Variants in GABRR3 observed in about 807,000 individuals in gnomAD.
GABRR3 encodes gamma-aminobutyric acid receptor subunit rho-3.
A neutral mutation model predicts 43.2 loss-of-function variants in GABRR3; 29 were observed. That is an observed-to-expected ratio of 0.67 (90% CI 0.50 to 0.92). GABRR3 has a LOEUF of 0.92. Among genes scored for constraint, GABRR3 ranks in the 40% least tolerant of loss-of-function variants. The pLI is 0.00. For synonymous variants in GABRR3, 206 were observed against 195.9 expected (o/e 1.05, Z -0.43); for missense variants, 576 against 572.3 (o/e 1.01, Z -0.07).
At chr3:97,996,154 TGA>T (rs1178224536) in intron 8 of GABRR3, among the ~76,000 whole-genome samples, 1 of 152,184 alleles carries the variant, frequency 6.6e-6, no homozygotes, top group Non-Finnish European at 1.5e-5. Context: ...TATGAACCAC[TGA>T]GTTTCTTCAC....
At chr3:98,007,170 GT>G (rs1257907989) in intron 7 of GABRR3, among the ~76,000 whole-genome samples, 9 of 152,220 alleles carry the variant, frequency 5.9e-5, no homozygotes, top group African/African-American at 2.2e-4. Context: ...AAGGAAGCCT[GT>G]TTTACACGGG....
At chr3:98,029,742 C>T (rs1707062189) in intron 2 of GABRR3, among the ~76,000 whole-genome samples, 1 of 151,988 alleles carries the variant, frequency 6.6e-6, no homozygotes, top group Non-Finnish European at 1.5e-5. Flanking sequence ...GAGTGTGATA[C>T]CAATTGAAGC....
chr3:98,034,073 A>C (rs1249563215), intron 2 of GABRR3, among the ~76,000 whole-genome samples: 3 of 152,148 alleles, frequency 2.0e-5, no homozygotes, highest in Non-Finnish European at 4.4e-5. Flanking sequence ...GATACTCTTC[A>C]TTCCTCAATT....
intron 7 of GABRR3, among the ~76,000 whole-genome samples, chr3:98,003,892 T>C (rs1706688556): frequency 6.6e-6 from 1 of 152,180 alleles, no homozygotes; most frequent in Admixed American, 6.5e-5. Context: ...AAAGCCTCAT[T>C]ATGTAAGTAA....
At chr3:98,019,251 G>A (rs530497107) in intron 3 of GABRR3, among the ~76,000 whole-genome samples, 8 of 152,310 alleles carry the variant, frequency 5.3e-5, no homozygotes, top group Admixed American at 2.0e-4. Flanking sequence ...GCCTGGATGT[G>A]CTACATGGGA....
intron 2 of GABRR3, among the ~76,000 whole-genome samples, chr3:98,031,702 C>T (rs1311694108): frequency 6.6e-6 from 1 of 151,744 alleles, no homozygotes; most frequent in Non-Finnish European, 1.5e-5. Context: ...ATGATTGGAC[C>T]ACCGCACTCC....
At chr3:98,001,898 G>T in intron 7 of GABRR3, 131 bp from the exon 8 acceptor site, 1 of 867,066 alleles carries the variant, frequency 1.2e-6, no homozygotes, top group Non-Finnish European at 1.8e-6. Flanking sequence ...TCTCCATTTA[G>T]TTGGGCCTGG....
chr3:98,004,113 A>G (rs1445791521), intron 7 of GABRR3, among the ~76,000 whole-genome samples: 1 of 152,180 alleles, frequency 6.6e-6, no homozygotes, highest in African/African-American at 2.4e-5. Context: ...TCCCAAGACA[A>G]GAATAAAGAA....
At chr3:98,014,757 A>T (rs188945762) in intron 4 of GABRR3, among the ~76,000 whole-genome samples, 4 of 152,322 alleles carry the variant, frequency 2.6e-5, no homozygotes, top group Admixed American at 2.6e-4. Context: ...AATCACTATA[A>T]ATAAAAATAT....
rs1328336392 is a variant in GABRR3 at position 97,995,553 on chromosome 3, T to G, written c.908-2505A>C. On this transcript the variant is annotated intron_variant, in intron 8 of 9. Coordinates refer to ENST00000621172, the Ensembl canonical transcript of GABRR3. ...TTAATCCAACTAATTGACAATAGCC[T>G]TATTTATTTTAAAACCAGCATTCTA... 2.0e-5 allele frequency among the ~76,000 whole-genome samples: 3 copies of G among 152,032 alleles called. No homozygotes were observed. In the East Asian group the frequency reaches 5.8e-4, roughly 29 times the overall value.
intron 7 of GABRR3, among the ~76,000 whole-genome samples, chr3:98,006,510 G>A (rs1343103039): frequency 6.6e-6 from 1 of 152,136 alleles, no homozygotes; most frequent in Admixed American, 6.5e-5. Context: ...CTCTCTTAAA[G>A]CTGCAGGTTT....
intron 8 of GABRR3, chr3:98,001,391 C>T (rs1029074057): frequency 1.9e-6 from 1 of 522,412 alleles, no homozygotes; most frequent in Non-Finnish European, 3.5e-6. Flanking sequence ...AACTGCAGGT[C>T]AGTCAGCAAA....
chr3:98,026,632 A>ATCATCATCATCG (rs1224472941), intron 2 of GABRR3, among the ~76,000 whole-genome samples: 2 of 151,992 alleles, frequency 1.3e-5, no homozygotes, highest in Non-Finnish European at 2.9e-5. Context: ...CATCATCATC[A>ATCATCATCATCG]TCATCATCAT....
intron 2 of GABRR3, among the ~76,000 whole-genome samples, chr3:98,029,890 C>T (rs138559654): frequency 0.012 from 1,853 of 151,848 alleles, 31 homozygotes; most frequent in African/African-American, 0.043. Context: ...CGAAGGCGGG[C>T]GGATCACTTG....
At chr3:98,011,904 GA>G (rs1220397108) in intron 5 of GABRR3, among the ~76,000 whole-genome samples, 2 of 152,210 alleles carry the variant, frequency 1.3e-5, no homozygotes, top group African/African-American at 4.8e-5. Flanking sequence ...AAAAGAAAAA[GA>G]GAGCAAATTG....
chr3:98,030,667 A>T (rs1245790544), intron 2 of GABRR3, among the ~76,000 whole-genome samples: 1 of 152,146 alleles, frequency 6.6e-6, no homozygotes, highest in Non-Finnish European at 1.5e-5. Context: ...CCAAATAAGA[A>T]TCTGGTCAAA....
chr3:98,007,601 G>C (rs1027863289), intron 7 of GABRR3, 163 bp downstream of exon 7: 4 of 211,614 alleles, frequency 1.9e-5, no homozygotes, highest in Non-Finnish European at 3.3e-5. Flanking sequence ...GGAAAGAAAC[G>C]ATGTATGGAA....
At chr3:98,012,465 T>C in exon 5 of GABRR3, 2 of 1,614,010 alleles carry the variant, frequency 1.2e-6, no homozygotes, top group South Asian at 1.1e-5. Flanking sequence ...CAGATCTTTC[T>C]GGTCAATCTA....
chr3:97,991,868 A>G (rs832099), intron 9 of GABRR3, among the ~76,000 whole-genome samples: 149,397 of 152,260 alleles, frequency 0.98, 73,360 homozygotes, highest in Middle Eastern at 1. Flanking sequence ...TTAAACCAAT[A>G]TGAATAGATT....
Sources: allele counts gnomAD v4.1 joint callset (sites outside exome capture counted in the v4.1 genomes callset), GRCh38; gene constraint gnomAD v4.1.1; transcripts MANE v1.5; gene names NCBI Gene and HGNC (gene_info 2026-07-23, HGNC 2026-07-21).